ZNF106: variants seen among roughly 807,000 people sequenced by gnomAD.
ZNF106 encodes zinc finger protein 106.
Under a neutral mutation model 195.1 loss-of-function variants are expected in ZNF106, and 67 were observed. That is an observed-to-expected ratio of 0.34 (90% CI 0.28 to 0.42). The LOEUF is 0.42. ZNF106 is among the 10% of genes least tolerant of loss of function. ZNF106 has a pLI of 1.00. For synonymous variants in ZNF106, 784 were observed against 818.6 expected (o/e 0.96, Z 0.72); for missense variants, 2,118 against 2,304.5 (o/e 0.92, Z 1.66).
chr15:42,433,770 A>C (rs1157644349), intron 14 of ZNF106, among the ~76,000 whole-genome samples: 2 of 152,086 alleles, frequency 1.3e-5, no homozygotes, highest in Non-Finnish European at 2.9e-5. Flanking sequence ...GTATTTCTCA[A>C]AGTGCGGTCC....
In ZNF106 at chr15:42,460,722, T is replaced by C. The variant is rs375379440; in HGVS notation, c.117-3564A>G. ...CTAAAAATACAAAATTAGCCGGGTG[T>C]GGTGGCGCATGCCTGTAATCCCAAC... On this transcript the variant is annotated intron_variant, in intron 3 of 21. Transcript: ENST00000564754. Among the ~76,000 whole-genome samples the C allele has an allele frequency of 5.9e-5, 9 of 152,202 alleles. No individual in the cohort carries two copies. In the South Asian group the frequency reaches 1.9e-3, roughly 32 times the overall value.
intron 3 of ZNF106, among the ~76,000 whole-genome samples, chr15:42,464,388 A>G (rs575305210): frequency 4.6e-5 from 7 of 152,048 alleles, no homozygotes; most frequent in South Asian, 2.1e-4. Flanking sequence ...TATTCATGGG[A>G]TAAGATATAA....
intron 15 of ZNF106, among the ~76,000 whole-genome samples, chr15:42,426,897 C>G (rs895139096): frequency 6.6e-6 from 1 of 152,160 alleles, no homozygotes; most frequent in Non-Finnish European, 1.5e-5. Flanking sequence ...TGTATCATAT[C>G]GAACAGACCA....
chr15:42,441,001 ATATATATATATATATATAT>A (rs1567009272), intron 10 of ZNF106, among the ~76,000 whole-genome samples: 368 of 16,338 alleles, frequency 0.023, 53 homozygotes, highest in African/African-American at 0.056. Context: ...AAAAAAAAAT[ATATATATATATATATATAT>A]ATATATATAT....
At chr15:42,465,853 T>C (rs953036063) in intron 3 of ZNF106, among the ~76,000 whole-genome samples, 200 bp downstream of exon 3, 2 of 152,218 alleles carry the variant, frequency 1.3e-5, no homozygotes, top group Non-Finnish European at 2.9e-5. Flanking sequence ...ATTCACACAT[T>C]TGAGATGCCC....
rs16973246 is a variant in ZNF106, at chr15:42,424,900, G to A, written c.5124C>T (p.Arg1708=). ...VGSYDCTISV[R]DARNGLLLRT... ...TGAGGAGCAGTCCATTCCGGGCATCGCGTACACTAATTGTGCAGTCATAAG... is the reference window on the plus strand; with the variant it reads ...TGAGGAGCAGTCCATTCCGGGCATCACGTACACTAATTGTGCAGTCATAAG... The change falls in exon 16 of 22, where the codon CGC becomes CGT. Residue 1708 remains arginine (R), a synonymous_variant. Coordinates refer to ENST00000564754, the MANE Select transcript of ZNF106 (RefSeq NM_001366845.3). The A allele has an allele frequency of 4.8e-3, 7,756 of 1,614,054 alleles. 336 individuals are homozygous for A. In the African/African-American group the frequency reaches 0.092, roughly 19 times the overall value.
chr15:42,486,512 G>T (rs1341888769), intron 1 of ZNF106, among the ~76,000 whole-genome samples: 4 of 152,192 alleles, frequency 2.6e-5, no homozygotes, highest in African/African-American at 9.6e-5. Flanking sequence ...CTCCACCTTG[G>T]CCTCCCAAAG....
chr15:42,426,857 C>A (rs1392894879), intron 15 of ZNF106, among the ~76,000 whole-genome samples: 1 of 152,188 alleles, frequency 6.6e-6, no homozygotes, highest in Non-Finnish European at 1.5e-5. Flanking sequence ...ATCTAAAATG[C>A]AAAAATCTTC....
Position 42,442,208 on chromosome 15 carries a change from G to A in ZNF106, c.3628C>T (p.His1210Tyr), listed in dbSNP as rs746986619. The stretch of plus-strand genomic sequence containing the variant: ...GAGTCTGGAGCAGGGACACTGCCAT[G>A]GGTTTGGAAAGTAGGAGACGTGGTT... ...QITTSPTFQT[H>Y]GSVPAPDSSV... The change falls in exon 10 of 22, where the codon CAT (histidine) becomes TAT (tyrosine). Residue 1210 changes from histidine (H) to tyrosine (Y), a missense_variant. Physicochemically the swap from His to Tyr is moderately conservative, Grantham distance 83. Transcript: ENST00000564754. The A allele has an allele frequency of 1.3e-5, 21 of 1,614,056 alleles. No individual in the cohort carries two copies. Among genetic ancestry groups the A allele is most frequent in the Non-Finnish European group, 1.7e-5 (20 of 1,180,034 alleles).
chr15:42,462,800 T>G (rs1018567715), intron 3 of ZNF106, among the ~76,000 whole-genome samples: 28 of 152,154 alleles, frequency 1.8e-4, no homozygotes, highest in African/African-American at 6.3e-4. Flanking sequence ...AACTTGGTTT[T>G]GTTTTGACAG....
rs1318638885 is a variant in ZNF106, at chr15:42,421,136, G to T, written c.5446-4C>A. 1 of 1,613,778 alleles carries T rather than the reference G, an allele frequency of 6.2e-7. No individual in the cohort carries two copies. The highest frequency in any genetic ancestry group is 1.7e-5 in the Admixed American group (1 of 59,990). On this transcript the variant is annotated splice_region_variant and splice_polypyrimidine_tract_variant and intron_variant, in intron 19 of 21. Transcript: ENST00000564754. ...CATCATAACAGCCAGTGTAAATCTG[G>T]AGAAAGAGAGGTTTATAATATCAGA...
At chr15:42,433,894 G>C (rs2055165206) in intron 14 of ZNF106, among the ~76,000 whole-genome samples, 2 of 151,998 alleles carry the variant, frequency 1.3e-5, no homozygotes, top group African/African-American at 4.8e-5. Flanking sequence ...TGTCACCCAG[G>C]CTGTAGTGAA....
chr15:42,470,908 C>T (rs544988380), intron 2 of ZNF106, among the ~76,000 whole-genome samples: 26 of 152,238 alleles, frequency 1.7e-4, no homozygotes, highest in African/African-American at 5.8e-4. Context: ...TATTATTAAA[C>T]ATGATTTTTA....
At position 42,419,460 on chromosome 15, in the gene ZNF106, G is replaced by C. The variant is rs189526627; in HGVS notation, c.5518-1509C>G. ...GGGAGGCCGAGGTAGGGTGATTGCT[G>C]GAGCCTGGGAGGCTGAAGCTGCAGT... is the stretch of plus-strand genomic sequence containing the variant. On this transcript the variant is annotated intron_variant, in intron 20 of 21. Coordinates refer to ENST00000564754, the MANE Select transcript of ZNF106 (RefSeq NM_001366845.3). Among the ~76,000 whole-genome samples, 520 of 151,868 alleles carry C rather than the reference G, an allele frequency of 3.4e-3. 5 individuals carry two copies. Among genetic ancestry groups the C allele is most frequent in the African/African-American group, 0.012 (492 of 41,440 alleles).
Position 42,417,509 on chromosome 15 carries a change from AACCATGT to A in ZNF106, c.5665-156_5665-150del. On this transcript the variant is annotated intron_variant, in intron 21 of 21. Coordinates refer to ENST00000564754, the MANE Select transcript of ZNF106 (RefSeq NM_001366845.3). ...GCCAGCACTTTGCTAACTTACGTGA[AACCATGT>A]ACTTAAAGGTGAGCTGTTGTCTCAG... is the stretch of plus-strand genomic sequence containing the variant. The A allele has an allele frequency of 5.6e-6, 5 of 892,422 alleles. No individual in the cohort carries two copies. In the South Asian group the frequency reaches 8.5e-5, roughly 15 times the overall value. 55.3% of individuals were successfully genotyped at this position (892,422 alleles called of 1,614,324 possible).
At chr15:42,438,205 G>A (rs1008870427) in intron 12 of ZNF106, among the ~76,000 whole-genome samples, 9 of 152,102 alleles carry the variant, frequency 5.9e-5, no homozygotes, top group Non-Finnish European at 1.3e-4. Flanking sequence ...TGGCCAACAT[G>A]ACGAAACCCT....
At position 42,417,821 on chromosome 15, in the gene ZNF106, C is replaced by T. The variant is rs2054511981; in HGVS notation, c.5648G>A (p.Arg1883Lys). The T allele has an allele frequency of 1.2e-6, 2 of 1,613,712 alleles. No individual in the cohort carries two copies. The highest frequency in any genetic ancestry group is 1.7e-6 in the Non-Finnish European group (2 of 1,179,850). ...WKNCDAFFTA[R>K]KGSKQDAAGH... ...CTAATGTACCTGTTTGGATCCTTTC[C>T]TAGCAGTGAAAAAAGCATCGCAGTT... Residue 1883 changes from arginine to lysine, a missense_variant, in exon 21 of 22, where the codon AGG becomes AAG. Physicochemically the swap from Arg to Lys is conservative, Grantham distance 26. Transcript: ENST00000564754.
At chr15:42,482,750 T>C (rs1178276347) in intron 1 of ZNF106, among the ~76,000 whole-genome samples, 4 of 152,018 alleles carry the variant, frequency 2.6e-5, no homozygotes, top group Non-Finnish European at 5.9e-5. Flanking sequence ...AGGCTGGTCC[T>C]GAACTCCTGA....
At chr15:42,441,205 T>A (rs754890492) in intron 10 of ZNF106, among the ~76,000 whole-genome samples, 2 of 144,276 alleles carry the variant, frequency 1.4e-5, no homozygotes, top group Non-Finnish European at 3.0e-5. Flanking sequence ...TAGCCGGGCA[T>A]GGTGGCAGGC....
Sources: allele counts gnomAD v4.1 joint callset (sites outside exome capture counted in the v4.1 genomes callset), GRCh38; gene constraint gnomAD v4.1.1; transcripts MANE v1.5; gene names NCBI Gene and HGNC (gene_info 2026-07-23, HGNC 2026-07-21).